TIPIN: variants seen among roughly 807,000 people sequenced by gnomAD.
TIPIN encodes TIMELESS interacting protein, also known as TIMELESS-interacting protein.
A neutral mutation model predicts 35.6 loss-of-function variants in TIPIN; 29 were observed. That is an observed-to-expected ratio of 0.82 (90% CI 0.61 to 1.11). The LOEUF (loss-of-function observed/expected upper bound fraction) is 1.11, where lower values mean the gene tolerates loss of function less well. Ranked by LOEUF, TIPIN falls within the 50% of genes most tolerant of loss-of-function variation. TIPIN has a pLI of 0.00. For synonymous variants in TIPIN, 102 were observed against 121.5 expected, an observed-to-expected ratio of 0.84 and a Z score of 1.06; for missense variants, 296 against 345.4, an observed-to-expected ratio of 0.86 and a Z score of 1.13.
At chr15:66,373,646 A>G (rs1018226836) in intron 1 of TIPIN, among the ~76,000 whole-genome samples, 2 of 152,184 alleles carry the variant, frequency 1.3e-5, no homozygotes, top group Non-Finnish European at 2.9e-5. Flanking sequence ...AAGTCATAAT[A>G]GTTCCACATC....
chr15:66,374,139 T>C (rs2030209309), intron 1 of TIPIN, among the ~76,000 whole-genome samples: 1 of 152,090 alleles, frequency 6.6e-6, no homozygotes, highest in Non-Finnish European at 1.5e-5. Context: ...TCTTGCTATG[T>C]TGCCCAGGCT....
rs1053723139 is a variant in TIPIN at position 66,355,179 on chromosome 15, G to A, written c.-9+1460C>T. On this transcript the variant is annotated intron_variant, in intron 1 of 7. Coordinates refer to ENST00000261881, the MANE Select transcript of TIPIN (RefSeq NM_017858.3). ...CTCCCGAATAGCTGGGACTACAGGC[G>A]CCTGCCACCACGCCCGGCTAATTTT... 1.1e-4 allele frequency among the ~76,000 whole-genome samples: 17 copies of A among 151,556 alleles called. No individual in the cohort carries two copies. In the East Asian group the frequency reaches 3.2e-3, roughly 28 times the overall value.
chr15:66,349,052 A>G lies in TIPIN; in HGVS notation c.475+8T>C. ...ATTGTTATAAAGTAGATAAACCTATATTCTTACCATTATTGCTAACAAAAT... is the reference window on the plus strand; with the variant it reads ...ATTGTTATAAAGTAGATAAACCTATGTTCTTACCATTATTGCTAACAAAAT... On this transcript the variant is annotated splice_region_variant and intron_variant, in intron 6 of 7. Transcript: ENST00000261881. The G allele has an allele frequency of 6.2e-7, 1 of 1,604,076 alleles. No homozygotes were observed.
At chr15:66,385,496 CTTT>C (rs543148145) in intron 1 of TIPIN, among the ~76,000 whole-genome samples, 2 of 146,790 alleles carry the variant, frequency 1.4e-5, no homozygotes, top group Admixed American at 6.8e-5. Context: ...GATTAAAGTT[CTTT>C]TTTTTTTTGA....
chr15:66,348,788 T>C (rs1163014940), intron 6 of TIPIN, among the ~76,000 whole-genome samples: 1 of 151,390 alleles, frequency 6.6e-6, no homozygotes, highest in Admixed American at 6.6e-5. Context: ...TCTACAAAAA[T>C]TTTAAAATTA....
At chr15:66,351,053 A>G (rs2093164514) in intron 4 of TIPIN, among the ~76,000 whole-genome samples, 1 of 150,952 alleles carries the variant, frequency 6.6e-6, no homozygotes. Context: ...ACTCCTACAT[A>G]ATTCAAAAAT....
At chr15:66,377,312 T>C (rs897689439) in intron 1 of TIPIN, among the ~76,000 whole-genome samples, 2 of 152,148 alleles carry the variant, frequency 1.3e-5, no homozygotes, top group Non-Finnish European at 2.9e-5. Context: ...AATACTTTCC[T>C]TATGTTTCTA....
At chr15:66,383,117 G>A (rs576609592) in intron 1 of TIPIN, 1 of 451,218 alleles carries the variant, frequency 2.2e-6, no homozygotes, top group Non-Finnish European at 2.9e-6. Flanking sequence ...TAAAAAGAAT[G>A]CTGCATTTTA....
intron 7 of TIPIN, among the ~76,000 whole-genome samples, chr15:66,339,098 C>T (rs578246610): frequency 5.2e-4 from 63 of 121,530 alleles, no homozygotes; most frequent in Middle Eastern, 6.1e-3. Context: ...CGCCACTGCA[C>T]TCCAGCCTGA....
intron 1 of TIPIN, chr15:66,383,545 T>A (rs2093325527): frequency 1.0e-6 from 1 of 981,316 alleles, no homozygotes; most frequent in Non-Finnish European, 1.2e-6. Context: ...ATTAAAGGTG[T>A]GAGCCACCAC....
At position 66,337,772 on chromosome 15, in the gene TIPIN, A is replaced by T. The variant is rs565116710; in HGVS notation, c.683-591T>A. Among the ~76,000 whole-genome samples the T allele has an allele frequency of 2.4e-4, 16 of 66,936 alleles. 1 individual carries two copies. The highest frequency in any genetic ancestry group is 5.3e-4 in the South Asian group (1 of 1,874). 43.9% of individuals were successfully genotyped at this position (66,936 alleles called of 152,430 possible). A position where few individuals can be genotyped will look rare whatever the true frequency, so the allele number is the denominator to read the frequency against. On this transcript the variant is annotated intron_variant, in intron 7 of 7. Coordinates refer to ENST00000261881, the MANE Select transcript of TIPIN (RefSeq NM_017858.3). ...CCCCATGTCAACAAAACATCAAAAAAAATAAAATAAAAAAAAAAATAATTA... is the reference window on the plus strand; with the variant it reads ...CCCCATGTCAACAAAACATCAAAAATAATAAAATAAAAAAAAAAATAATTA...
intron 4 of TIPIN, among the ~76,000 whole-genome samples, 181 bp from the exon 5 acceptor site, chr15:66,349,618 C>T (rs77478684): frequency 0.041 from 6,166 of 152,142 alleles, 302 homozygotes; most frequent in African/African-American, 0.11. Context: ...GTGGTTCACA[C>T]CTGTAATTCT....
chr15:66,380,285 G>A (rs1307656832), intron 1 of TIPIN, among the ~76,000 whole-genome samples: 1 of 151,620 alleles, frequency 6.6e-6, no homozygotes, highest in Non-Finnish European at 1.5e-5. Context: ...GATTACAGGC[G>A]TGAGCCACTG....
chr15:66,383,847 T>C (rs370605555), intron 1 of TIPIN, among the ~76,000 whole-genome samples: 7 of 152,302 alleles, frequency 4.6e-5, no homozygotes, highest in Admixed American at 2.0e-4. Context: ...AGATTTTAGC[T>C]GCTCGTCATA....
chr15:66,358,571 A>G (rs116897680), upstream of TIPIN, among the ~76,000 whole-genome samples: 12,406 of 151,632 alleles, frequency 0.082, 788 homozygotes, highest in East Asian at 0.34. Context: ...GCACCACCAC[A>G]CCCAGCTAAT....
intron 1 of TIPIN, among the ~76,000 whole-genome samples, chr15:66,374,109 AT>A (rs981763377): frequency 1.3e-5 from 2 of 151,974 alleles, no homozygotes; most frequent in African/African-American, 2.4e-5. Context: ...GATTGTTTTA[AT>A]TTTTTTTAAG....
At chr15:66,370,916 G>T (rs2093275414) in intron 1 of TIPIN, among the ~76,000 whole-genome samples, 1 of 152,094 alleles carries the variant, frequency 6.6e-6, no homozygotes, top group South Asian at 2.1e-4. Flanking sequence ...ATGGATGAAA[G>T]TGTATCAAGC....
Position 66,352,217 on chromosome 15 carries a change from C to A in TIPIN, c.134-10G>T, listed in dbSNP as rs1388106693. ...GCTCCATTTCCTGACTCTGGTGAAA[C>A]AAACCACGATTCAGTATTACTGTAC... On this transcript the variant is annotated splice_polypyrimidine_tract_variant and intron_variant, in intron 2 of 7. Transcript: ENST00000261881. 8.9e-6 allele frequency: 14 copies of A among 1,576,940 alleles called. No individual in the cohort carries two copies. The highest frequency in any genetic ancestry group is 1.0e-5 in the Non-Finnish European group (12 of 1,155,558).
intron 7 of TIPIN, among the ~76,000 whole-genome samples, chr15:66,337,885 A>T (rs2140435558): frequency 6.6e-6 from 1 of 152,096 alleles, no homozygotes; most frequent in Non-Finnish European, 1.5e-5. Flanking sequence ...AAAACAAAAA[A>T]AAAGCAAAAT....
Sources: gnomAD v4.1 joint callset for allele counts (sites outside exome capture counted in the v4.1 genomes callset) on GRCh38, gnomAD v4.1.1 for gene constraint, MANE v1.5 for transcripts, NCBI Gene and HGNC (gene_info 2026-07-23, HGNC 2026-07-21) for gene names.